Variants in CAMK2D observed in about 807,000 individuals in gnomAD.
The protein encoded by CAMK2D is calcium/calmodulin-dependent protein kinase type II subunit delta.
Under a neutral mutation model 84.0 loss-of-function variants are expected in CAMK2D, and 37 were observed. That is an observed-to-expected ratio of 0.44 (90% CI 0.34 to 0.58). CAMK2D has a LOEUF of 0.58. Ranked by LOEUF, CAMK2D falls within the 20% of genes least tolerant of loss-of-function variation. The probability of loss-of-function intolerance (pLI) is 0.02; values close to 1 mark genes in which losing one functional copy is unlikely to be tolerated. For synonymous variants in CAMK2D, 202 were observed against 212.5 expected (o/e 0.95, Z 0.43); for missense variants, 448 against 652.5 (o/e 0.69, Z 3.41).
At chr4:113,629,919 A>G (rs1219082749) in intron 3 of CAMK2D, among the ~76,000 whole-genome samples, 1 of 152,156 alleles carries the variant, frequency 6.6e-6, no homozygotes, top group Non-Finnish European at 1.5e-5. Flanking sequence ...GTTTAAAAAA[A>G]AAAACTCTCT....
At chr4:113,574,318 T>C (rs774258255) in intron 4 of CAMK2D, among the ~76,000 whole-genome samples, 2 of 152,228 alleles carry the variant, frequency 1.3e-5, no homozygotes, top group Admixed American at 6.5e-5. Flanking sequence ...ATTGCTGCCA[T>C]GGTTATTGTT....
intron 2 of CAMK2D, among the ~76,000 whole-genome samples, chr4:113,666,621 G>A (rs983377732): frequency 2.6e-5 from 4 of 151,774 alleles, no homozygotes; most frequent in Non-Finnish European, 5.9e-5. Context: ...GCACACGCAG[G>A]CACACACACA....
At chr4:113,627,020 A>T (rs1172102349) in intron 3 of CAMK2D, among the ~76,000 whole-genome samples, 1 of 152,172 alleles carries the variant, frequency 6.6e-6, no homozygotes, top group Non-Finnish European at 1.5e-5. Context: ...GATTTGTAAA[A>T]ATGTTTTTTA....
At chr4:113,597,435 A>G (rs370186269) in intron 4 of CAMK2D, among the ~76,000 whole-genome samples, 15 of 152,238 alleles carry the variant, frequency 9.9e-5, no homozygotes, top group East Asian at 3.9e-4. Flanking sequence ...CCTTCCTTAA[A>G]CCTCAAGAAA....
At chr4:113,567,971 G>A (rs1420265897) in intron 4 of CAMK2D, among the ~76,000 whole-genome samples, 1 of 152,150 alleles carries the variant, frequency 6.6e-6, no homozygotes, top group African/African-American at 2.4e-5. Context: ...TTACTTAGGA[G>A]AAGTAATTAA....
chr4:113,727,630 GAGAA>G (rs1174504170), intron 2 of CAMK2D, among the ~76,000 whole-genome samples: 3 of 152,098 alleles, frequency 2.0e-5, no homozygotes, highest in Non-Finnish European at 2.9e-5. Flanking sequence ...ACTTAAGAAA[GAGAA>G]AGCAGTAACT....
At chr4:113,529,308 T>C (rs17046176) in intron 8 of CAMK2D, among the ~76,000 whole-genome samples, 3,425 of 152,276 alleles carry the variant, frequency 0.022, 139 homozygotes, top group African/African-American at 0.078. Context: ...TGACAAGAAA[T>C]ATAGTGAGGA....
At chr4:113,684,465 T>C (rs1275185290) in intron 2 of CAMK2D, among the ~76,000 whole-genome samples, 1 of 152,228 alleles carries the variant, frequency 6.6e-6, no homozygotes, top group African/African-American at 2.4e-5. Context: ...TGTATAATTA[T>C]AATTTCAAAT....
intron 4 of CAMK2D, among the ~76,000 whole-genome samples, chr4:113,586,377 C>T (rs1440621897): frequency 6.6e-6 from 1 of 152,088 alleles, no homozygotes; most frequent in Non-Finnish European, 1.5e-5. Flanking sequence ...CACCATTGAG[C>T]AACATTTGAA....
At chr4:113,511,911 C>A (rs2098219700) in intron 12 of CAMK2D, among the ~76,000 whole-genome samples, 2 of 152,072 alleles carry the variant, frequency 1.3e-5, no homozygotes, top group African/African-American at 4.8e-5. Flanking sequence ...AGAAAGGTGA[C>A]CACTTAATGC....
chr4:113,686,747 C>G (rs1193554564), intron 2 of CAMK2D, among the ~76,000 whole-genome samples: 2 of 152,066 alleles, frequency 1.3e-5, no homozygotes, highest in Non-Finnish European at 2.9e-5. Flanking sequence ...CCTTATTTCT[C>G]AACGAGAGCC....
chr4:113,671,676 A>G (rs1213743863), intron 2 of CAMK2D, among the ~76,000 whole-genome samples: 1 of 152,160 alleles, frequency 6.6e-6, no homozygotes, highest in African/African-American at 2.4e-5. Flanking sequence ...TTCTATGTTG[A>G]GGTATGTTAT....
chr4:113,715,201 T>C (rs994578524), intron 2 of CAMK2D, among the ~76,000 whole-genome samples: 10 of 152,124 alleles, frequency 6.6e-5, no homozygotes, highest in Admixed American at 2.0e-4. Flanking sequence ...TTGATCTTGA[T>C]CTAGCAACTT....
intron 4 of CAMK2D, among the ~76,000 whole-genome samples, chr4:113,555,616 T>C (rs1033729072): frequency 4.6e-5 from 7 of 152,192 alleles, no homozygotes; most frequent in Non-Finnish European, 2.9e-5. Flanking sequence ...AAGCAATTGG[T>C]ATCTCTTCAT....
In CAMK2D at chr4:113,608,438, C is replaced by T. The variant is rs189160832; in HGVS notation, c.275+714G>A. Reference sequence around the variant, plus strand: ...AGTTGGTTTCTTTCTTTTCTTTTCTCCCCCGTTATAAAGGATGATGCAATG... The same window carrying T: ...AGTTGGTTTCTTTCTTTTCTTTTCTTCCCCGTTATAAAGGATGATGCAATG... On this transcript the variant is annotated intron_variant, in intron 4 of 20. Transcript: ENST00000511664. 3.3e-5 allele frequency among the ~76,000 whole-genome samples: 5 copies of T among 152,144 alleles called. No individual in the cohort carries two copies. The East Asian group carries it at 9.7e-4, about 29-fold the overall frequency.
At chr4:113,586,293 G>T (rs542068790) in intron 4 of CAMK2D, among the ~76,000 whole-genome samples, 1 of 152,254 alleles carries the variant, frequency 6.6e-6, no homozygotes, top group Admixed American at 6.5e-5. Context: ...TGGAACTGCT[G>T]GAGGTCACCA....
chr4:113,513,313 TC>T lies in CAMK2D; in HGVS notation c.946+14del. 9 of 1,612,754 alleles carry T rather than the reference TC, an allele frequency of 5.6e-6. No homozygotes were observed. The highest frequency in any genetic ancestry group is 7.6e-6 in the Non-Finnish European group (9 of 1,178,876). ...AAGACCAAGGGATAAGAAGCAGAGT[TC>T]CCAATGCATGTACCTGAGAAATTCC... On this transcript the variant is annotated intron_variant, in intron 12 of 20. Coordinates refer to ENST00000511664, the MANE Select transcript of CAMK2D (RefSeq NM_001321571.2).
At chr4:113,493,367 G>A (rs1397404557) in intron 16 of CAMK2D, among the ~76,000 whole-genome samples, 2 of 150,578 alleles carry the variant, frequency 1.3e-5, no homozygotes, top group Admixed American at 6.6e-5. Context: ...GCATTTGCTT[G>A]TCTGTAAAGT....
At chr4:113,720,188 T>A (rs941158479) in intron 2 of CAMK2D, among the ~76,000 whole-genome samples, 1 of 152,004 alleles carries the variant, frequency 6.6e-6, no homozygotes, top group Admixed American at 6.6e-5. Flanking sequence ...ATTAGTCTAT[T>A]TGGGGATGGC....
Sources: allele counts gnomAD v4.1 joint callset (sites outside exome capture counted in the v4.1 genomes callset), GRCh38; gene constraint gnomAD v4.1.1; transcripts MANE v1.5; gene names NCBI Gene and HGNC (gene_info 2026-07-23, HGNC 2026-07-21).